Variants in SBF2 observed in about 807,000 individuals in gnomAD.
SBF2 encodes the protein myotubularin-related protein 13.
A neutral mutation model predicts 225.2 loss-of-function variants in SBF2; 112 were observed. That is an observed-to-expected ratio of 0.50 (90% CI 0.43 to 0.58). The LOEUF (loss-of-function observed/expected upper bound fraction) is 0.58. SBF2 is among the 20% of genes least tolerant of loss of function. SBF2 has a pLI of 0.00. For synonymous variants in SBF2, 763 were observed against 773.3 expected (o/e 0.99, Z 0.22); for missense variants, 1,996 against 2,206.2 (o/e 0.90, Z 1.91).
intron 29 of SBF2, among the ~76,000 whole-genome samples, chr11:9,814,577 A>T (rs1041413160): frequency 6.6e-6 from 1 of 152,220 alleles, no homozygotes; most frequent in East Asian, 1.9e-4. Flanking sequence ...AGATAAAGAA[A>T]CCTAAACATC....
rs182199792 is a variant in SBF2 at position 9,896,258 on chromosome 11, G to C, written c.1861-247C>G. Among the ~76,000 whole-genome samples, 168 of 152,270 alleles carry C rather than the reference G, an allele frequency of 1.1e-3. 1 individual carries two copies. Among genetic ancestry groups the C allele is most frequent in the Admixed American group, 3.7e-3 (56 of 15,298 alleles). ...TTATAAATAAGGTAAAAGTATATTTGAGAAAGGTATTTTCATACATTATTG... is the reference window on the plus strand; with the variant it reads ...TTATAAATAAGGTAAAAGTATATTTCAGAAAGGTATTTTCATACATTATTG... On this transcript the variant is annotated intron_variant, in intron 16 of 39. Coordinates refer to ENST00000256190, the MANE Select transcript of SBF2 (RefSeq NM_030962.4).
At chr11:10,186,494 T>G (rs1956938456) in intron 2 of SBF2, among the ~76,000 whole-genome samples, 1 of 152,172 alleles carries the variant, frequency 6.6e-6, no homozygotes, top group African/African-American at 2.4e-5. Context: ...ATCACACCAC[T>G]GCACTCCAGC....
intron 16 of SBF2, among the ~76,000 whole-genome samples, chr11:9,920,036 C>CT (rs1422437147): frequency 1.3e-5 from 2 of 151,950 alleles, no homozygotes; most frequent in East Asian, 3.9e-4. Flanking sequence ...CCGGCCTCTT[C>CT]TTTTTTAAAA....
Position 10,258,378 on chromosome 11 carries a change from G to A in SBF2, c.55+35637C>T, listed in dbSNP as rs572476125. On this transcript the variant is annotated intron_variant, in intron 1 of 39. Coordinates refer to ENST00000256190, the MANE Select transcript of SBF2 (RefSeq NM_030962.4). ...CCACTGTGGCTTCCCAAAGTGCTGG[G>A]ATTTACAGGCATAAGCCATTGTGCC... Among the ~76,000 whole-genome samples, 6 of 152,266 alleles carry A rather than the reference G, an allele frequency of 3.9e-5. No homozygotes were observed. In the East Asian group the frequency reaches 1.2e-3, roughly 29 times the overall value.
chr11:10,175,666 C>T (rs11493334), intron 2 of SBF2, among the ~76,000 whole-genome samples: 69,837 of 145,438 alleles, frequency 0.48, 17,420 homozygotes, highest in Non-Finnish European at 0.54. Flanking sequence ...GCGGACCTAA[C>T]AGACATCTAC....
intron 2 of SBF2, among the ~76,000 whole-genome samples, chr11:10,135,394 T>C (rs1954299258): frequency 6.6e-6 from 1 of 152,240 alleles, no homozygotes; most frequent in South Asian, 2.1e-4. Context: ...TCCTCGTTAC[T>C]TATGCAAATT....
At chr11:9,835,631 C>CAAAAAAAAAAAAAAAAAAAAAAAAAAAA (rs58436467) in intron 26 of SBF2, among the ~76,000 whole-genome samples, 3 of 62,134 alleles carry the variant, frequency 4.8e-5, no homozygotes, top group Admixed American at 2.1e-4. Flanking sequence ...GACCTTGTCT[C>CAAAAAAAAAAAAAAAAAAAAAAAAAAAA]AAAAAAAAAA....
chr11:10,028,529 C>T lies in SBF2; in HGVS notation c.542G>A (p.Arg181Lys). Residue 181 changes from arginine to lysine, a missense_variant, in exon 6 of 40, where the codon AGA becomes AAA. Physicochemically the swap from Arg to Lys is conservative, Grantham distance 26. Coordinates refer to ENST00000256190, the MANE Select transcript of SBF2 (RefSeq NM_030962.4). ...ATGTAAAGGAGTCTGGATCAACTGT[C>T]TATCTCCTGCACCCAAAGAAAACAG... is the stretch of plus-strand genomic sequence containing the variant. ...QKLFSLGAGDRQLIQTPLHDS... is the reference protein window; with the variant it reads ...QKLFSLGAGDKQLIQTPLHDS... 3 of 1,613,370 alleles carry T rather than the reference C, an allele frequency of 1.9e-6. No homozygotes were observed. The highest frequency in any genetic ancestry group is 2.5e-6 in the Non-Finnish European group (3 of 1,179,430).
chr11:9,893,533 C>G (rs1245740057), intron 17 of SBF2, among the ~76,000 whole-genome samples: 1 of 152,202 alleles, frequency 6.6e-6, no homozygotes, highest in Non-Finnish European at 1.5e-5. Context: ...CCTTCTTGCT[C>G]CTGTGGTAAG....
At chr11:10,292,165 T>C (rs547091862) in intron 1 of SBF2, among the ~76,000 whole-genome samples, 1 of 152,216 alleles carries the variant, frequency 6.6e-6, no homozygotes, top group Non-Finnish European at 1.5e-5. Context: ...TCAACAAAAC[T>C]TGAACCAGTC....
At chr11:10,118,605 CTCTT>C (rs921137764) in intron 2 of SBF2, among the ~76,000 whole-genome samples, 2 of 151,890 alleles carry the variant, frequency 1.3e-5, no homozygotes, top group Non-Finnish European at 2.9e-5. Context: ...ACCATATATC[CTCTT>C]TCTAATGTCA....
chr11:9,809,921 C>T (rs368615182), intron 30 of SBF2, among the ~76,000 whole-genome samples: 11 of 152,186 alleles, frequency 7.2e-5, no homozygotes, highest in South Asian at 2.1e-4. Context: ...TACCAAAAAG[C>T]GTTGAGTTGT....
At chr11:10,156,767 G>A (rs1366287660) in intron 2 of SBF2, among the ~76,000 whole-genome samples, 3 of 152,178 alleles carry the variant, frequency 2.0e-5, no homozygotes, top group African/African-American at 2.4e-5. Flanking sequence ...AGAAATCAGA[G>A]ATGACACAAA....
intron 2 of SBF2, among the ~76,000 whole-genome samples, chr11:10,062,239 G>C (rs1950475870): frequency 6.6e-6 from 1 of 152,066 alleles, no homozygotes; most frequent in Non-Finnish European, 1.5e-5. Flanking sequence ...TAAATACCCT[G>C]GAAGACAACC....
rs78167830 is a variant in SBF2 at position 10,187,097 on chromosome 11, T to C, written c.141+6805A>G. ...GGCTTTGTGATTGACTTCTGATTAA[T>C]AGAATATGGATAATATATACTGCCT... On this transcript the variant is annotated intron_variant, in intron 2 of 39. Coordinates refer to ENST00000256190, the MANE Select transcript of SBF2 (RefSeq NM_030962.4). Among the ~76,000 whole-genome samples the C allele has an allele frequency of 2.3e-4, 35 of 152,322 alleles. No homozygotes were observed. The East Asian group carries it at 6.2e-3, about 27-fold the overall frequency.
intron 2 of SBF2, among the ~76,000 whole-genome samples, chr11:10,064,334 A>G (rs1950558572): frequency 6.6e-6 from 1 of 152,144 alleles, no homozygotes; most frequent in South Asian, 2.1e-4. Flanking sequence ...AAAAGTAACC[A>G]CTAAAATGAA....
chr11:9,969,258 A>G (rs1867168162), intron 13 of SBF2, among the ~76,000 whole-genome samples: 1 of 152,216 alleles, frequency 6.6e-6, no homozygotes, highest in Non-Finnish European at 1.5e-5. Flanking sequence ...CCAGTTTCAC[A>G]ACACTTTGGT....
At chr11:10,144,237 C>T (rs1954785425) in intron 2 of SBF2, among the ~76,000 whole-genome samples, 1 of 152,082 alleles carries the variant, frequency 6.6e-6, no homozygotes, top group South Asian at 2.1e-4. Context: ...CCTATAATCC[C>T]AGCACTTTGG....
intron 26 of SBF2, among the ~76,000 whole-genome samples, chr11:9,835,660 CCTGA>C (rs963381389): frequency 6.4e-5 from 7 of 109,272 alleles, no homozygotes; most frequent in Admixed American, 4.6e-4. Flanking sequence ...TTACTACTAT[CCTGA>C]CTAACAATGT....
Sources: allele counts gnomAD v4.1 joint callset (sites outside exome capture counted in the v4.1 genomes callset), GRCh38; gene constraint gnomAD v4.1.1; transcripts MANE v1.5; gene names NCBI Gene and HGNC (gene_info 2026-07-23, HGNC 2026-07-21).